Variants in POU6F2 observed in about 807,000 individuals in gnomAD.
The protein encoded by POU6F2 is POU class 6 homeobox 2.
Under a neutral mutation model 71.3 loss-of-function variants are expected in POU6F2, and 31 were observed. The ratio of observed to expected loss-of-function variants is 0.43; its 90% CI spans 0.33 to 0.59. POU6F2 has a LOEUF of 0.59. Among genes scored for constraint, POU6F2 ranks in the 20% least tolerant of loss-of-function variants. The pLI, the probability that POU6F2 is intolerant of heterozygous loss-of-function variation, is 0.04. For synonymous variants in POU6F2, 347 were observed against 355.7 expected (o/e 0.98, Z 0.27); for missense variants, 783 against 856.8 (o/e 0.91, Z 1.07).
intron 5 of POU6F2, among the ~76,000 whole-genome samples, chr7:39,382,897 C>T (rs1786859245): frequency 6.6e-6 from 1 of 152,038 alleles, no homozygotes; most frequent in Admixed American, 6.6e-5. Flanking sequence ...CATAATAATA[C>T]CCTGGAGTCA....
chr7:39,352,472 C>A (rs1029186202), intron 5 of POU6F2, among the ~76,000 whole-genome samples: 1 of 152,186 alleles, frequency 6.6e-6, no homozygotes, highest in Non-Finnish European at 1.5e-5. Flanking sequence ...AAAACAGTAA[C>A]AAAATGATCC....
chr7:39,238,244 G>A lies in POU6F2; in HGVS notation c.598+30624G>A, dbSNP rs113654788. Among the ~76,000 whole-genome samples, 296 of 152,232 alleles carry A rather than the reference G, an allele frequency of 1.9e-3. 4 individuals carry two copies. The highest frequency in any genetic ancestry group is 1.8e-3 in the Non-Finnish European group (123 of 68,004). On this transcript the variant is annotated intron_variant, in intron 4 of 9. Transcript: ENST00000518318. ...AGCACAAAGATAGTACTCGCCAAGT[G>A]GGCTGCAGCGGAGATTAGAGACAAT...
Position 39,451,561 on chromosome 7 carries a change from G to A in POU6F2, c.1349G>A (p.Gly450Asp), listed in dbSNP as rs762558790. The change falls in exon 8 of 10, where the codon GGT (glycine) becomes GAT (aspartate). Residue 450 changes from glycine (G) to aspartate (D), a missense_variant. Gly to Asp is a moderately conservative substitution (Grantham distance 94). Coordinates refer to ENST00000518318, the MANE Select transcript of POU6F2 (RefSeq NM_001370959.1). ...CACCAACCCTCCCAGACGTCAGTGG[G>A]TCAAGCAGCCTCCCAAGGCAACCTT... ...QLHQPSQTSVGQAASQGNLLH... is the reference protein window; with the variant it reads ...QLHQPSQTSVDQAASQGNLLH... The A allele has an allele frequency of 7.4e-6, 12 of 1,613,636 alleles. No homozygotes were observed. The East Asian group carries it at 2.5e-4, about 33-fold the overall frequency.
intron 4 of POU6F2, among the ~76,000 whole-genome samples, chr7:39,258,651 T>C (rs763860975): frequency 4.6e-5 from 7 of 151,686 alleles, no homozygotes; most frequent in Non-Finnish European, 1.0e-4. Flanking sequence ...AATTCACCAA[T>C]AGCCACAAAT....
chr7:39,325,704 G>T (rs753328778), intron 4 of POU6F2, among the ~76,000 whole-genome samples: 2 of 152,158 alleles, frequency 1.3e-5, no homozygotes, highest in Non-Finnish European at 2.9e-5. Context: ...TGGCCCATGT[G>T]TCTATAGTCT....
At chr7:39,215,696 C>T (rs1341645624) in intron 4 of POU6F2, among the ~76,000 whole-genome samples, 9 of 152,072 alleles carry the variant, frequency 5.9e-5, no homozygotes, top group Non-Finnish European at 1.0e-4. Flanking sequence ...GGTGGGGAAG[C>T]GTGGCAGGGA....
intron 3 of POU6F2, among the ~76,000 whole-genome samples, chr7:39,206,250 T>C (rs1794010117): frequency 6.6e-6 from 1 of 152,142 alleles, no homozygotes; most frequent in Non-Finnish European, 1.5e-5. Flanking sequence ...GACTCTAAGA[T>C]CAAATGACTC....
intron 5 of POU6F2, among the ~76,000 whole-genome samples, chr7:39,355,648 G>A (rs903603943): frequency 1.3e-5 from 2 of 151,964 alleles, no homozygotes; most frequent in Admixed American, 6.6e-5. Context: ...CAAAAAGAAC[G>A]AAAAAGAAAT....
chr7:39,176,419 C>T (rs1163452200), intron 2 of POU6F2, among the ~76,000 whole-genome samples: 1 of 152,222 alleles, frequency 6.6e-6, no homozygotes, highest in African/African-American at 2.4e-5. Context: ...AGTGCCTAGA[C>T]ATTGCCTGCG....
At chr7:39,287,040 C>T (rs549966672) in intron 4 of POU6F2, among the ~76,000 whole-genome samples, 13 of 151,830 alleles carry the variant, frequency 8.6e-5, no homozygotes, top group Admixed American at 2.0e-4. Context: ...TCCCCAGGGA[C>T]TTTTCAGAGC....
chr7:39,434,572 G>A (rs1788187639), intron 7 of POU6F2, among the ~76,000 whole-genome samples: 2 of 151,790 alleles, frequency 1.3e-5, no homozygotes, highest in Non-Finnish European at 2.9e-5. Context: ...TGGTGATGAT[G>A]ATGGTGATGA....
intron 2 of POU6F2, among the ~76,000 whole-genome samples, chr7:39,162,202 A>G (rs962034055): frequency 2.0e-5 from 3 of 152,210 alleles, no homozygotes; most frequent in Admixed American, 1.3e-4. Context: ...AAATGAAGCC[A>G]TGTGATAGAA....
In POU6F2 at chr7:39,437,953, T is replaced by A. The variant is rs561720333; in HGVS notation, c.1320+4670T>A. Among the ~76,000 whole-genome samples the A allele has an allele frequency of 3.2e-4, 48 of 152,086 alleles. 1 individual carries two copies. Among genetic ancestry groups the A allele is most frequent in the East Asian group, 1.4e-3 (7 of 5,174 alleles). On this transcript the variant is annotated intron_variant, in intron 7 of 9. Coordinates refer to ENST00000518318, the MANE Select transcript of POU6F2 (RefSeq NM_001370959.1). ...GGTTTTGAGTGAGTTTCTTTTTTTT[T>A]TTATTATTATACTTTAAGTTCTAGG... is the stretch of plus-strand genomic sequence containing the variant.
rs3999864 is a variant in POU6F2, at chr7:39,129,624, TATAGATAGATAGATAGATAGATAG to T, written c.277+43615_277+43638del. On this transcript the variant is annotated intron_variant, in intron 2 of 9. Transcript: ENST00000518318. The stretch of plus-strand genomic sequence containing the variant: ...CCAGGTGGCTGAGAGACAATAGATA[TATAGATAGATAGATAGATAGATAG>T]ATAGATAGATAGATAGATAGACTGA... Among the ~76,000 whole-genome samples, 11 of 149,346 alleles carry T rather than the reference TATAGATAGATAGATAGATAGATAG, an allele frequency of 7.4e-5. No homozygotes were observed. The East Asian group carries it at 1.8e-3, about 24-fold the overall frequency.
chr7:39,353,468 G>A (rs180740093), intron 5 of POU6F2, among the ~76,000 whole-genome samples: 201 of 152,214 alleles, frequency 1.3e-3, no homozygotes, highest in East Asian at 3.9e-3. Context: ...GCATACTTGC[G>A]TTTGCTTAAT....
intron 2 of POU6F2, among the ~76,000 whole-genome samples, chr7:39,131,213 G>GT (rs1296428469): frequency 2.0e-5 from 3 of 152,154 alleles, no homozygotes; most frequent in Admixed American, 6.5e-5. Flanking sequence ...CTGAACCAGA[G>GT]TGGTGATCCA....
intron 4 of POU6F2, among the ~76,000 whole-genome samples, chr7:39,246,905 C>CTTTTTTGTTTTTTTTTTT (rs1783830211): frequency 1.3e-5 from 1 of 78,150 alleles, no homozygotes; most frequent in Admixed American, 1.7e-4. Context: ...TCCAGGGTGG[C>CTTTTTTGTTTTTTTTTTT]TTTTTTTTTT....
At chr7:39,251,838 A>G (rs1783924874) in intron 4 of POU6F2, among the ~76,000 whole-genome samples, 1 of 152,096 alleles carries the variant, frequency 6.6e-6, no homozygotes, top group African/African-American at 2.4e-5. Flanking sequence ...TTGCAGGGAG[A>G]GTTCCTCCTT....
At chr7:39,288,694 C>T (rs78922615) in intron 4 of POU6F2, among the ~76,000 whole-genome samples, 16,636 of 152,210 alleles carry the variant, frequency 0.11, 1,165 homozygotes, top group Non-Finnish European at 0.15. Flanking sequence ...AGTGAATGAA[C>T]ATATCAGGTA....
Sources: gnomAD v4.1 joint callset for allele counts (sites outside exome capture counted in the v4.1 genomes callset) on GRCh38, gnomAD v4.1.1 for gene constraint, MANE v1.5 for transcripts, NCBI Gene and HGNC (gene_info 2026-07-23, HGNC 2026-07-21) for gene names.